Variants in CFAP44 observed in about 807,000 individuals in gnomAD.
CFAP44 encodes cilia- and flagella-associated protein 44.
A neutral mutation model predicts 216.2 loss-of-function variants in CFAP44; 134 were observed. The observed-to-expected ratio is 0.62, with a 90% CI of 0.54 to 0.72. The LOEUF (loss-of-function observed/expected upper bound fraction) is 0.72, where lower values mean the gene tolerates loss of function less well. Ranked by LOEUF, CFAP44 falls within the 30% of genes least tolerant of loss-of-function variation. The pLI is 0.00. For synonymous variants in CFAP44, 700 were observed against 727.6 expected, an observed-to-expected ratio of 0.96 and a Z score of 0.61; for missense variants, 2,035 against 2,182.1, an observed-to-expected ratio of 0.93 and a Z score of 1.34.
intron 28 of CFAP44, among the ~76,000 whole-genome samples, chr3:113,316,279 G>A (rs1006170380): frequency 6.6e-6 from 1 of 152,138 alleles, no homozygotes; most frequent in African/African-American, 2.4e-5. Flanking sequence ...CTTAAAATCT[G>A]TGAGATGCAG....
chr3:113,316,550 G>GA (rs926868146), intron 28 of CFAP44, among the ~76,000 whole-genome samples: 3 of 150,366 alleles, frequency 2.0e-5, no homozygotes, highest in Admixed American at 6.6e-5. Context: ...TAGCCAGACT[G>GA]AAAAAAAAAG....
intron 22 of CFAP44, among the ~76,000 whole-genome samples, chr3:113,350,418 CAGAA>C (rs990701592): frequency 6.6e-6 from 1 of 151,260 alleles, no homozygotes; most frequent in Non-Finnish European, 1.5e-5. Context: ...AAGAGGGAGT[CAGAA>C]AGAGAGAAAG....
At chr3:113,418,352 G>A (rs1262470251) in intron 5 of CFAP44, among the ~76,000 whole-genome samples, 1 of 152,108 alleles carries the variant, frequency 6.6e-6, no homozygotes, top group Admixed American at 6.5e-5. Context: ...CTCCCAAAGT[G>A]CCATGATTAC....
intron 15 of CFAP44, among the ~76,000 whole-genome samples, chr3:113,388,201 C>G (rs1933702189): frequency 6.6e-6 from 1 of 152,076 alleles, no homozygotes; most frequent in Non-Finnish European, 1.5e-5. Flanking sequence ...AGGCAGTAGC[C>G]AGGGAGTGGT....
chr3:113,395,623 C>T, intron 15 of CFAP44, 127 bp downstream of exon 15: 1 of 713,896 alleles, frequency 1.4e-6, no homozygotes, highest in Non-Finnish European at 2.2e-6. Context: ...TCTGTTGCCG[C>T]ATCCCTGACC....
rs1223446737 is a variant in CFAP44 at position 113,373,495 on chromosome 3, T to C, written c.2360A>G (p.Asp787Gly). 1 of 1,608,678 alleles carries C rather than the reference T, an allele frequency of 6.2e-7. No individual in the cohort carries two copies. The highest frequency in any genetic ancestry group is 2.2e-5 in the East Asian group (1 of 44,618). Reference protein sequence around the residue: ...CEFPPCDESSDFKEQKDEPID... With the variant: ...CEFPPCDESSGFKEQKDEPID... The stretch of plus-strand genomic sequence containing the variant: ...AGGTTCATCTTTTTGTTCTTTGAAA[T>C]CACTGCTTTCATCACAAGGGGGGAA... The change falls in exon 18 of 35, where the codon GAT (aspartate) becomes GGT (glycine). Residue 787 changes from aspartate to glycine, a missense_variant. Transcript: ENST00000393845.
chr3:113,320,327 C>A (rs1189813233), intron 28 of CFAP44, among the ~76,000 whole-genome samples: 1 of 146,488 alleles, frequency 6.8e-6, no homozygotes, highest in Admixed American at 6.7e-5. Context: ...TGGAACCTGA[C>A]CCTGACCCTG....
intron 24 of CFAP44, among the ~76,000 whole-genome samples, chr3:113,341,009 C>T (rs570624859): frequency 2.0e-5 from 3 of 152,248 alleles, no homozygotes; most frequent in Non-Finnish European, 2.9e-5. Flanking sequence ...AATGGCCTGC[C>T]GGCGTGCTGG....
chr3:113,304,291 CAG>C (rs1949964942), intron 31 of CFAP44, 174 bp from the exon 32 acceptor site: 1 of 640,648 alleles, frequency 1.6e-6, no homozygotes, highest in Non-Finnish European at 2.6e-6. Flanking sequence ...AAGATGCTGT[CAG>C]ACAGAAAGCC....
At chr3:113,335,344 C>T (rs187619093) in intron 24 of CFAP44, among the ~76,000 whole-genome samples, 25 of 152,260 alleles carry the variant, frequency 1.6e-4, no homozygotes, top group Admixed American at 1.0e-3. Flanking sequence ...AAATACAGCC[C>T]AGTGAACTCA....
Position 113,380,912 on chromosome 3 carries a change from T to A in CFAP44, c.2039A>T (p.Lys680Ile), listed in dbSNP as rs1933489132. 1 of 1,581,990 alleles carries A rather than the reference T, an allele frequency of 6.3e-7. No homozygotes were observed. The highest frequency in any genetic ancestry group is 1.4e-5 in the African/African-American group (1 of 73,628). Residue 680 changes from lysine to isoleucine, a missense_variant, in exon 16 of 35, where the codon AAA becomes ATA. Physicochemically the swap from Lys to Ile is moderately radical, Grantham distance 102. Around this residue, in one of 3 missense-constraint regions of CFAP44, gnomAD observed 1,883 missense variants for 2,023.7 expected, o/e 0.93. Transcript: ENST00000393845. ...AATATTCCATACCAGAATCTTAGAT[T>A]TGACACTTGAAAAATGGAAACATTT... Reference protein sequence around the residue: ...CIKCFHFSSVKSKILRLIEIE... With the variant: ...CIKCFHFSSVISKILRLIEIE...
chr3:113,439,179 C>A (rs939438804), intron 1 of CFAP44, among the ~76,000 whole-genome samples: 2 of 152,192 alleles, frequency 1.3e-5, no homozygotes, highest in African/African-American at 4.8e-5. Context: ...CCAATTCTTT[C>A]AACTAACTCA....
intron 22 of CFAP44, among the ~76,000 whole-genome samples, chr3:113,355,503 G>A (rs1024855792): frequency 6.6e-6 from 1 of 152,184 alleles, no homozygotes; most frequent in Non-Finnish European, 1.5e-5. Context: ...CTGGGCGACA[G>A]AGTGAGACTC....
At position 113,330,344 on chromosome 3, in the gene CFAP44, C is replaced by A; in HGVS notation, c.3940G>T (p.Asp1314Tyr). The part of the protein sequence containing the change: ...GGFLKLSSRK[D>Y]GDLTTRDSIS... ...GAATCACGGGTTGTCAAATCCCCAT[C>A]CTTTCTAGAAGAGAGTTTGAGGAAT... The change falls in exon 26 of 35, where the codon GAT (aspartate) becomes TAT (tyrosine). Residue 1314 changes from aspartate to tyrosine, a missense_variant. Physicochemically the swap from Asp to Tyr is radical, Grantham distance 160. This residue lies in a region of CFAP44 where 1,883 missense variants were observed against 2,023.7 expected (regional missense o/e 0.93). Coordinates refer to ENST00000393845, the MANE Select transcript of CFAP44 (RefSeq NM_001164496.2). 1 of 1,537,286 alleles carries A rather than the reference C, an allele frequency of 6.5e-7. No homozygotes were observed. Among genetic ancestry groups the A allele is most frequent in the Non-Finnish European group, 8.7e-7 (1 of 1,146,892 alleles).
At chr3:113,349,237 C>T (rs1430761192) in intron 22 of CFAP44, among the ~76,000 whole-genome samples, 3 of 152,162 alleles carry the variant, frequency 2.0e-5, no homozygotes, top group Non-Finnish European at 2.9e-5. Flanking sequence ...AATATACTCC[C>T]CTGTCAGCCG....
intron 21 of CFAP44, among the ~76,000 whole-genome samples, chr3:113,362,428 T>C (rs549657923): frequency 1.3e-5 from 2 of 152,242 alleles, no homozygotes; most frequent in East Asian, 3.9e-4. Flanking sequence ...CCACCACCAA[T>C]CACCTCTTCT....
chr3:113,394,441 G>T (rs1359966103), intron 15 of CFAP44, among the ~76,000 whole-genome samples: 5 of 152,116 alleles, frequency 3.3e-5, no homozygotes, highest in Non-Finnish European at 7.3e-5. Flanking sequence ...TTCTCACAGA[G>T]CTTCCTTTGC....
intron 27 of CFAP44, 82 bp downstream of exon 27, chr3:113,327,534 G>T: frequency 1.6e-6 from 2 of 1,268,958 alleles, no homozygotes; most frequent in Non-Finnish European, 2.2e-6. Flanking sequence ...ACAAGTGGGA[G>T]ATTTGAGTTA....
At position 113,409,116 on chromosome 3, in the gene CFAP44, C is replaced by T; in HGVS notation, c.880G>A (p.Gly294Ser). The T allele has an allele frequency of 3.1e-6, 5 of 1,612,834 alleles. No individual in the cohort carries two copies. Among genetic ancestry groups the T allele is most frequent in the South Asian group, 1.1e-5 (1 of 91,028 alleles). ...KEEQLTTSGS[G>S]HIKFWEMAFT... ...GGTTACCCAACCTACTTGATGTGGC[C>T]TGATCCCGATGTAGTAAGCTGCTCT... Residue 294 changes from glycine to serine, a missense_variant, in exon 7 of 35, where the codon GGC (glycine) becomes AGC (serine). Gly to Ser is a moderately conservative substitution (Grantham distance 56). This residue lies in a region of CFAP44 where 1,883 missense variants were observed against 2,023.7 expected (regional missense o/e 0.93). Coordinates refer to ENST00000393845, the MANE Select transcript of CFAP44 (RefSeq NM_001164496.2).
Sources: gnomAD v4.1 joint callset for allele counts (sites outside exome capture counted in the v4.1 genomes callset) on GRCh38, gnomAD v4.1.1 for gene constraint, gnomAD v4.1.1 regional missense constraint, MANE v1.5 for transcripts, NCBI Gene and HGNC (gene_info 2026-07-23, HGNC 2026-07-21) for gene names.